The following NCOR2 variants were observed in gnomAD, a reference collection of about 807,000 sequenced individuals.
NCOR2 encodes nuclear receptor corepressor 2.
NCOR2 carries 81 observed loss-of-function variants against 262.9 expected under a neutral mutation model. The observed-to-expected ratio is 0.31, with a 90% CI of 0.26 to 0.37. The LOEUF (loss-of-function observed/expected upper bound fraction) is 0.37. Ranked by LOEUF, NCOR2 falls within the 10% of genes least tolerant of loss-of-function variation. NCOR2 has a pLI of 1.00. For missense variants in NCOR2, 3,385 were observed against 3,621.4 expected, an observed-to-expected ratio of 0.93 and a Z score of 1.68; for synonymous variants, 1,659 against 1,559.3, an observed-to-expected ratio of 1.06 and a Z score of -1.51.
chr12:124,344,746 A>T (rs1376618571), exon 32 of NCOR2: 2 of 1,546,916 alleles, frequency 1.3e-6, no homozygotes, highest in Middle Eastern at 1.7e-4. Context: ...GCCGCGCGCA[A>T]TGGAGCCCCC....
chr12:124,338,632 C>T (rs1356794316), intron 37 of NCOR2, among the ~76,000 whole-genome samples: 2 of 151,984 alleles, frequency 1.3e-5, no homozygotes, highest in Non-Finnish European at 2.9e-5. Flanking sequence ...AGGGGCCTCT[C>T]CCATCTCAGA....
intron 20 of NCOR2, among the ~76,000 whole-genome samples, chr12:124,370,257 G>A (rs2039390644): frequency 6.6e-6 from 1 of 152,244 alleles, no homozygotes; most frequent in South Asian, 2.1e-4. Context: ...GCTCATCACA[G>A]GGTCAGGGTC....
chr12:124,439,743 G>C lies in NCOR2; in HGVS notation c.816-1747C>G, dbSNP rs944584672. Among the ~76,000 whole-genome samples, 72 of 152,192 alleles carry C rather than the reference G, an allele frequency of 4.7e-4. 1 individual carries two copies. Among genetic ancestry groups the C allele is most frequent in the African/African-American group, 1.7e-3 (70 of 41,504 alleles). On this transcript the variant is annotated intron_variant, in intron 7 of 46. Coordinates refer to ENST00000405201, the Ensembl canonical transcript of NCOR2. ...GAGATGAGAAAGAGAGGATCAGAGA[G>C]AGAGAGAGAGGCAGTCACAGAGAGA...
chr12:124,355,001 G>T, intron 24 of NCOR2, 62 bp from the exon 27 acceptor site: 1 of 1,410,072 alleles, frequency 7.1e-7, no homozygotes, highest in Non-Finnish European at 9.8e-7. Context: ...AGTCCAGAGT[G>T]CCTGACGCTC....
intron 13 of NCOR2, among the ~76,000 whole-genome samples, chr12:124,416,744 T>C (rs1275691655): frequency 3.2e-4 from 38 of 117,372 alleles, no homozygotes; most frequent in African/African-American, 1.2e-3. Context: ...GCGGCACAGA[T>C]AGACCCCGCG....
intron 1 of NCOR2, among the ~76,000 whole-genome samples, chr12:124,516,695 G>A (rs1214306263): frequency 6.6e-6 from 1 of 152,068 alleles, no homozygotes; most frequent in East Asian, 1.9e-4. Context: ...CTTGCCCAAG[G>A]TCACACCATC....
At chr12:124,507,400 C>T (rs1416815718) in intron 1 of NCOR2, among the ~76,000 whole-genome samples, 1 of 152,240 alleles carries the variant, frequency 6.6e-6, no homozygotes, top group Non-Finnish European at 1.5e-5. Flanking sequence ...GGAGACCTCC[C>T]TGATTGCTAG....
intron 37 of NCOR2, chr12:124,337,412 A>G (rs1178404820): frequency 2.9e-6 from 2 of 698,644 alleles, no homozygotes; most frequent in African/African-American, 3.5e-5. Context: ...AGCAGCTACT[A>G]GGTGCCAGGC....
chr12:124,466,990 T>TCACTACCCC, intron 4 of NCOR2, among the ~76,000 whole-genome samples: 1 of 119,112 alleles, frequency 8.4e-6, no homozygotes, highest in Non-Finnish European at 1.7e-5. Flanking sequence ...ATCCTCATCC[T>TCACTACCCC]CATCACCCCC....
In NCOR2 at chr12:124,378,284, G is replaced by A. The variant is rs1214382540; in HGVS notation, c.2120C>T (p.Ala707Val). Reference sequence around the variant, plus strand: ...CTCCTCATTTCCGCTCACGCCCGACGCCTCCATCTCCTCATCCTCCACCAC... The same window carrying A: ...CTCCTCATTTCCGCTCACGCCCGACACCTCCATCTCCTCATCCTCCACCAC... The change falls in exon 18 of 47, where the codon GCG becomes GTG. Residue 707 changes from alanine to valine, a missense_variant. Physicochemically the swap from Ala to Val is moderately conservative, Grantham distance 64 (BLOSUM62 0). Around this residue, in one of 5 missense-constraint regions of NCOR2, gnomAD observed 515 missense variants for 781.2 expected, o/e 0.66. Transcript: ENST00000405201. This position sits in a 1 kb window ranked among gnomAD's most constrained non-coding sequence, Gnocchi z 4.2. 6.2e-6 allele frequency: 10 copies of A among 1,613,766 alleles called. No individual in the cohort carries two copies. The highest frequency in any genetic ancestry group is 5.3e-5 in the African/African-American group (4 of 74,884).
At chr12:124,527,351 T>C (rs989081356) in intron 1 of NCOR2, among the ~76,000 whole-genome samples, 2 of 152,216 alleles carry the variant, frequency 1.3e-5, no homozygotes, top group Non-Finnish European at 2.9e-5. Context: ...CTCAGTTTCC[T>C]CATATGTAAA....
chr12:124,461,079 A>C (rs1359456827), intron 5 of NCOR2, among the ~76,000 whole-genome samples: 2 of 152,342 alleles, frequency 1.3e-5, no homozygotes, highest in African/African-American at 4.8e-5. Flanking sequence ...CTGGGCTGCC[A>C]CCTTCCGGCT....
rs2037826041 is a variant in NCOR2, at chr12:124,354,886, CA to C, written c.3434del (p.Val1145GlyfsTer23). On this transcript the variant is annotated frameshift_variant, in exon 25 of 47. Coordinates refer to ENST00000405201, the Ensembl canonical transcript of NCOR2. LOFTEE classifies it high-confidence loss of function. ...GGGGCAGCCCCATGGTGACAGGGCC[CA>C]CCGGGGCCTTGGCATGCTCTGAGTA... 6.2e-7 allele frequency: 1 copy of C among 1,612,524 alleles called. No individual in the cohort carries two copies. The highest frequency in any genetic ancestry group is 8.5e-7 in the Non-Finnish European group (1 of 1,179,572).
chr12:124,364,069 G>A (rs1411438518), intron 20 of NCOR2, among the ~76,000 whole-genome samples: 2 of 152,202 alleles, frequency 1.3e-5, no homozygotes, highest in Non-Finnish European at 2.9e-5. Flanking sequence ...GGCCCCATCA[G>A]GGGCCAAGCC....
intron 44 of NCOR2, among the ~76,000 whole-genome samples, chr12:124,330,356 GT>G (rs1271737015): frequency 6.6e-6 from 1 of 152,228 alleles, no homozygotes; most frequent in Non-Finnish European, 1.5e-5. Flanking sequence ...TTAAAAGTGC[GT>G]GTCAATTTTA....
chr12:124,336,346 G>T (rs2035893058), intron 38 of NCOR2: 2 of 178,528 alleles, frequency 1.1e-5, no homozygotes, highest in Admixed American at 1.1e-4. Flanking sequence ...CAAAGAGGGA[G>T]ATGGGGGCGC....
chr12:124,518,524 C>T (rs2049971235), intron 1 of NCOR2, among the ~76,000 whole-genome samples: 2 of 152,354 alleles, frequency 1.3e-5, no homozygotes, highest in Middle Eastern at 3.4e-3. Flanking sequence ...GGGCCGTGAA[C>T]GAGACGTCGG....
Position 124,347,026 on chromosome 12 carries a change from A to C in NCOR2, c.4073-176T>G, listed in dbSNP as rs2036988410. The stretch of plus-strand genomic sequence containing the variant: ...CAGCTTCTTCACACATAAAACAAGA[A>C]TATTAACTGAACCACCTCAGCAAGT... On this transcript the variant is annotated intron_variant, in intron 30 of 46. Coordinates refer to ENST00000405201, the Ensembl canonical transcript of NCOR2. Among the ~76,000 whole-genome samples the C allele has an allele frequency of 2.0e-5, 3 of 152,226 alleles. No homozygotes were observed. The South Asian group carries it at 6.2e-4, about 32-fold the overall frequency.
chr12:124,326,912 G>A (rs1221839981), intron 45 of NCOR2, among the ~76,000 whole-genome samples: 1 of 152,146 alleles, frequency 6.6e-6, no homozygotes, highest in African/African-American at 2.4e-5. Context: ...GACCCCTAAG[G>A]CTCCCTGACT....
Sources: gnomAD v4.1 joint callset for allele counts (sites outside exome capture counted in the v4.1 genomes callset) on GRCh38, gnomAD v4.1.1 for gene constraint, gnomAD v4.1.1 regional missense constraint, Gnocchi (gnomAD v3.1) non-coding constraint, MANE v1.5 for transcripts, NCBI Gene and HGNC (gene_info 2026-07-23, HGNC 2026-07-21) for gene names.